Variants in IPCEF1 observed in about 807,000 individuals in gnomAD.
The protein encoded by IPCEF1 is interactor protein for cytohesin exchange factors 1.
Under a neutral mutation model 50.9 loss-of-function variants are expected in IPCEF1, and 31 were observed. The observed-to-expected ratio is 0.61, with a 90% CI of 0.46 to 0.82. The LOEUF (loss-of-function observed/expected upper bound fraction) is 0.82, where lower values mean the gene tolerates loss of function less well. Ranked by LOEUF, IPCEF1 falls within the 40% of genes least tolerant of loss-of-function variation. The pLI is 0.00. For missense variants in IPCEF1, 458 were observed against 514.0 expected, an observed-to-expected ratio of 0.89 and a Z score of 1.05; for synonymous variants, 181 against 192.0, an observed-to-expected ratio of 0.94 and a Z score of 0.47.
intron 9 of IPCEF1, among the ~76,000 whole-genome samples, chr6:154,206,052 A>G (rs1777467311): frequency 6.6e-6 from 1 of 152,174 alleles, no homozygotes; most frequent in African/African-American, 2.4e-5. Flanking sequence ...TTTATTCTCA[A>G]AAGCTCTTCA....
intron 2 of IPCEF1, among the ~76,000 whole-genome samples, chr6:154,288,753 T>C (rs1182802864): frequency 7.1e-6 from 1 of 141,162 alleles, no homozygotes; most frequent in African/African-American, 2.6e-5. Context: ...TTTAAAGTTG[T>C]GTTTCATCTT....
chr6:154,220,714 A>G lies in IPCEF1; in HGVS notation c.392+543T>C, dbSNP rs371546856. Among the ~76,000 whole-genome samples, 43 of 152,348 alleles carry G rather than the reference A, an allele frequency of 2.8e-4. No individual in the cohort carries two copies. In the South Asian group the frequency reaches 8.1e-3, roughly 29 times the overall value. Reference sequence around the variant, plus strand: ...TAAACCATTAGGAATGGTGTAGGGCAGGTTGTACTCTGCACACAGCCCACT... The same window carrying G: ...TAAACCATTAGGAATGGTGTAGGGCGGGTTGTACTCTGCACACAGCCCACT... On this transcript the variant is annotated intron_variant, in intron 7 of 11. Coordinates refer to ENST00000367220, the MANE Select transcript of IPCEF1 (RefSeq NM_001130700.2).
At chr6:154,333,493 A>G (rs933812385) in intron 1 of IPCEF1, among the ~76,000 whole-genome samples, 1 of 151,904 alleles carries the variant, frequency 6.6e-6, no homozygotes, top group African/African-American at 2.4e-5. Context: ...TCAGCTTCAG[A>G]CAGCCTATTG....
chr6:154,321,778 TAAAAAAAAAAAAAAAAA>T (rs61648946), intron 1 of IPCEF1, among the ~76,000 whole-genome samples: 1 of 51,936 alleles, frequency 1.9e-5, no homozygotes, highest in East Asian at 6.9e-4. Context: ...AGACTCTTTC[TAAAAAAAAAAAAAAAAA>T]AAAAAAAAAA....
Position 154,155,708 on chromosome 6 carries a change from G to A in IPCEF1, c.*4120C>T, listed in dbSNP as rs1798685491. The A allele has an allele frequency of 6.6e-6, 1 of 152,058 alleles. No individual in the cohort carries two copies. The highest frequency in any genetic ancestry group is 1.5e-5 in the Non-Finnish European group (1 of 68,074). The allele number at this position is 152,058 out of a possible 1,614,324, so 9.4% of individuals were successfully genotyped here. A position where few individuals can be genotyped will look rare whatever the true frequency, so the allele number is the denominator to read the frequency against. On this transcript the variant is annotated 3_prime_UTR_variant, in exon 12 of 12. Coordinates refer to ENST00000367220, the MANE Select transcript of IPCEF1 (RefSeq NM_001130700.2). ...AGGCAGGAGAATCACTTCAACCAGG[G>A]AGGCAGAGGTTGCAGTGAGCTAAAA... is the stretch of plus-strand genomic sequence containing the variant.
chr6:154,291,680 G>GTTTTTT (rs34064925), intron 1 of IPCEF1, among the ~76,000 whole-genome samples: 27 of 104,460 alleles, frequency 2.6e-4, no homozygotes, highest in East Asian at 1.0e-3. Context: ...CTCAGGAAAG[G>GTTTTTT]TTTTTTTTTT....
intron 1 of IPCEF1, among the ~76,000 whole-genome samples, chr6:154,310,652 A>C (rs1782681058): frequency 6.6e-6 from 1 of 152,258 alleles, no homozygotes; most frequent in South Asian, 2.1e-4. Context: ...ATGTATATAC[A>C]CATGGAATAC....
chr6:154,181,876 T>A (rs57062327), intron 10 of IPCEF1, among the ~76,000 whole-genome samples: 52,706 of 151,938 alleles, frequency 0.35, 9,510 homozygotes, highest in Middle Eastern at 0.47. Flanking sequence ...GTAATAATCA[T>A]AAATACATGT....
chr6:154,251,439 TATC>T (rs1186678251), intron 3 of IPCEF1, among the ~76,000 whole-genome samples: 1 of 152,162 alleles, frequency 6.6e-6, no homozygotes, highest in African/African-American at 2.4e-5. Flanking sequence ...TTAATAATCA[TATC>T]ATGCTCGCAT....
chr6:154,276,138 T>A lies in IPCEF1; in HGVS notation c.-17-10174A>T, dbSNP rs1349269222. 2.0e-5 allele frequency among the ~76,000 whole-genome samples: 3 copies of A among 151,650 alleles called. No individual in the cohort carries two copies. In the East Asian group the frequency reaches 5.8e-4, roughly 30 times the overall value. ...GGTGGAGGTTGCAGTGAGCCGAGATTGTGCCACTGCACTCCAGCCTGGGCA... is the reference window on the plus strand; with the variant it reads ...GGTGGAGGTTGCAGTGAGCCGAGATAGTGCCACTGCACTCCAGCCTGGGCA... On this transcript the variant is annotated intron_variant, in intron 2 of 11. Transcript: ENST00000367220.
Position 154,247,448 on chromosome 6 carries a change from C to A in IPCEF1, c.76+1G>T. On this transcript the variant is annotated splice_donor_variant, in intron 4 of 11. Coordinates refer to ENST00000367220, the MANE Select transcript of IPCEF1 (RefSeq NM_001130700.2). LOFTEE classifies it high-confidence loss of function. ...TAAAGAAACAAAAGAGATCTAATTA[C>A]CTTGAGTTTTCCTCCTGGGCTTCTG... is the stretch of plus-strand genomic sequence containing the variant. 6.2e-7 allele frequency: 1 copy of A among 1,611,570 alleles called. No homozygotes were observed. Among genetic ancestry groups the A allele is most frequent in the Non-Finnish European group, 8.5e-7 (1 of 1,178,046 alleles).
intron 2 of IPCEF1, among the ~76,000 whole-genome samples, chr6:154,281,303 A>G (rs35496625): frequency 0.027 from 4,011 of 150,994 alleles, 88 homozygotes; most frequent in Non-Finnish European, 0.04. Context: ...CAGTGAGGCG[A>G]GATAGCGCCA....
intron 9 of IPCEF1, among the ~76,000 whole-genome samples, chr6:154,202,153 C>G (rs974014355): frequency 2.0e-5 from 3 of 152,112 alleles, no homozygotes; most frequent in African/African-American, 4.8e-5. Context: ...GTCAGATAAT[C>G]AATAAATACA....
In IPCEF1 at chr6:154,299,426, A is replaced by G. The variant is rs888709900; in HGVS notation, c.-61-9670T>C. Among the ~76,000 whole-genome samples, 3 of 141,786 alleles carry G rather than the reference A, an allele frequency of 2.1e-5. 1 individual carries two copies. The highest frequency in any genetic ancestry group is 7.6e-5 in the African/African-American group (3 of 39,652). 93.0% of individuals were successfully genotyped at this position (141,786 alleles called of 152,430 possible). On this transcript the variant is annotated intron_variant, in intron 1 of 11. Coordinates refer to ENST00000367220, the MANE Select transcript of IPCEF1 (RefSeq NM_001130700.2). ...AAAATGTGGCACATATATATCATGGAATACTACGCAGTCATAAAAAGGAAT... is the reference window on the plus strand; with the variant it reads ...AAAATGTGGCACATATATATCATGGGATACTACGCAGTCATAAAAAGGAAT...
intron 1 of IPCEF1, among the ~76,000 whole-genome samples, chr6:154,349,688 C>A (rs1377500021): frequency 1.3e-5 from 2 of 152,104 alleles, no homozygotes; most frequent in Non-Finnish European, 2.9e-5. Context: ...GTGCATAAAA[C>A]TCTGAAGAAT....
At chr6:154,194,204 AG>A (rs1776396742) in intron 10 of IPCEF1, among the ~76,000 whole-genome samples, 1 of 152,222 alleles carries the variant, frequency 6.6e-6, no homozygotes, top group Non-Finnish European at 1.5e-5. Context: ...GTTCGAGACC[AG>A]CCTGACCAAC....
chr6:154,247,931 TAG>T, intron 3 of IPCEF1, among the ~76,000 whole-genome samples: 1 of 152,310 alleles, frequency 6.6e-6, no homozygotes, highest in African/African-American at 2.4e-5. Flanking sequence ...CTCAAAATAT[TAG>T]AGTCACTTGA....
intron 10 of IPCEF1, among the ~76,000 whole-genome samples, chr6:154,176,554 G>A (rs1474178077): frequency 3.9e-5 from 6 of 152,046 alleles, no homozygotes; most frequent in Admixed American, 6.6e-5. Context: ...AATCATGAGT[G>A]AACTCCCATT....
At chr6:154,326,021 T>C (rs1280413021) in intron 1 of IPCEF1, among the ~76,000 whole-genome samples, 1 of 151,638 alleles carries the variant, frequency 6.6e-6, no homozygotes, top group East Asian at 1.9e-4. Flanking sequence ...AGCTCTGGAG[T>C]TCAAGACCAG....
Sources: allele counts gnomAD v4.1 joint callset (sites outside exome capture counted in the v4.1 genomes callset), GRCh38; gene constraint gnomAD v4.1.1; transcripts MANE v1.5; gene names NCBI Gene and HGNC (gene_info 2026-07-23, HGNC 2026-07-21).